The following ARHGAP24 variants were observed in gnomAD, a reference collection of about 807,000 sequenced individuals.
The protein encoded by ARHGAP24 is Rho GTPase activating protein 24, also known as rho GTPase-activating protein 24.
A neutral mutation model predicts 76.4 loss-of-function variants in ARHGAP24; 50 were observed. That is an observed-to-expected ratio of 0.65 (90% CI 0.52 to 0.83). The LOEUF (loss-of-function observed/expected upper bound fraction) is 0.83, where lower values mean the gene tolerates loss of function less well. Ranked by LOEUF, ARHGAP24 falls within the 40% of genes least tolerant of loss-of-function variation. The pLI is 0.00. For synonymous variants in ARHGAP24, 345 were observed against 323.3 expected (o/e 1.07, Z -0.72); for missense variants, 930 against 914.2 (o/e 1.02, Z -0.22).
intron 3 of ARHGAP24, among the ~76,000 whole-genome samples, chr4:85,826,942 AG>A (rs1206917641): frequency 2.6e-5 from 4 of 152,242 alleles, no homozygotes; most frequent in Non-Finnish European, 4.4e-5. Flanking sequence ...ATGTTTTGTA[AG>A]GCACTTGCAA....
chr4:85,741,156 A>G (rs1416946513), intron 3 of ARHGAP24, among the ~76,000 whole-genome samples: 1 of 152,190 alleles, frequency 6.6e-6, no homozygotes, highest in African/African-American at 2.4e-5. Flanking sequence ...AAACCAAGAC[A>G]TTCACAGGAG....
intron 3 of ARHGAP24, among the ~76,000 whole-genome samples, chr4:85,753,394 A>G (rs1002590654): frequency 3.3e-5 from 5 of 152,304 alleles, no homozygotes; most frequent in African/African-American, 7.2e-5. Flanking sequence ...TAATTTTCAG[A>G]CAGTTAGGTA....
At chr4:85,992,240 G>A (rs987253095) in intron 8 of ARHGAP24, 5 of 396,388 alleles carry the variant, frequency 1.3e-5, no homozygotes, top group Non-Finnish European at 2.2e-5. Context: ...CATTACTGCC[G>A]AGCTAGTCTG....
At chr4:85,556,623 G>T (rs1419237258) in intron 1 of ARHGAP24, among the ~76,000 whole-genome samples, 1 of 152,206 alleles carries the variant, frequency 6.6e-6, no homozygotes, top group Non-Finnish European at 1.5e-5. Context: ...TTCAGGTGGG[G>T]GCAGGTTAAT....
chr4:85,612,459 A>G (rs12108444), intron 2 of ARHGAP24, among the ~76,000 whole-genome samples: 141,194 of 151,618 alleles, frequency 0.93, 65,784 homozygotes, highest in East Asian at 0.98. Flanking sequence ...AAAAAGACCA[A>G]TGTATAGCAA....
At chr4:85,490,622 G>A (rs1405253248) in intron 1 of ARHGAP24, among the ~76,000 whole-genome samples, 1 of 152,142 alleles carries the variant, frequency 6.6e-6, no homozygotes, top group East Asian at 1.9e-4. Flanking sequence ...AAGAATTATA[G>A]TTAAACAATC....
At chr4:85,547,842 A>G (rs963810606) in intron 1 of ARHGAP24, among the ~76,000 whole-genome samples, 1 of 152,204 alleles carries the variant, frequency 6.6e-6, no homozygotes, top group Non-Finnish European at 1.5e-5. Context: ...CTTTGACACT[A>G]TTTAAATATC....
intron 2 of ARHGAP24, among the ~76,000 whole-genome samples, chr4:85,666,631 T>A (rs1265434824): frequency 6.6e-6 from 1 of 152,232 alleles, no homozygotes; most frequent in Non-Finnish European, 1.5e-5. Flanking sequence ...TGGGTTTATC[T>A]ACTTTTGGTC....
At chr4:85,918,001 G>A (rs1021232508) in intron 3 of ARHGAP24, among the ~76,000 whole-genome samples, 1 of 151,888 alleles carries the variant, frequency 6.6e-6, no homozygotes, top group African/African-American at 2.4e-5. Flanking sequence ...AGCAACATAG[G>A]TCTCATGTCC....
intron 1 of ARHGAP24, among the ~76,000 whole-genome samples, chr4:85,563,053 G>A (rs1297501882): frequency 6.6e-6 from 1 of 152,142 alleles, no homozygotes; most frequent in East Asian, 1.9e-4. Flanking sequence ...GCAGGATGGG[G>A]CAGGGAATCA....
In ARHGAP24 at chr4:85,501,371, T is replaced by C. The variant is rs963580545; in HGVS notation, c.-21+25812T>C. The stretch of plus-strand genomic sequence containing the variant: ...GTAAATGCATTCCTATTTCTCCACA[T>C]CCTCTGCAGCATCTGTTGTTTCCTG... On this transcript the variant is annotated intron_variant, in intron 1 of 9. Coordinates refer to ENST00000395184, the MANE Select transcript of ARHGAP24 (RefSeq NM_001025616.3). Among the ~76,000 whole-genome samples the C allele has an allele frequency of 2.0e-5, 3 of 152,202 alleles. No homozygotes were observed. The East Asian group carries it at 5.8e-4, about 29-fold the overall frequency.
At position 85,643,493 on chromosome 4, in the gene ARHGAP24, C is replaced by T. The variant is rs1465638001; in HGVS notation, c.180+72772C>T. 5.1e-5 allele frequency among the ~76,000 whole-genome samples: 4 copies of T among 78,472 alleles called. 1 individual carries two copies. Among genetic ancestry groups the T allele is most frequent in the Non-Finnish European group, 1.1e-4 (4 of 35,360 alleles). The allele number at this position is 78,472 out of a possible 152,430, so 51.5% of individuals were successfully genotyped here. ...CAGGATGGTCTCGATCTCCTGACCT[C>T]ATGATCCACCCGCCTCGGCCTCCCA... On this transcript the variant is annotated intron_variant, in intron 2 of 9. Transcript: ENST00000395184.
chr4:85,961,645 T>C (rs1464090846), intron 5 of ARHGAP24, among the ~76,000 whole-genome samples: 2 of 152,140 alleles, frequency 1.3e-5, no homozygotes, highest in East Asian at 1.9e-4. Context: ...CATTAATAAG[T>C]TACTTTCTAG....
intron 3 of ARHGAP24, among the ~76,000 whole-genome samples, chr4:85,855,560 G>A (rs894391664): frequency 4.6e-5 from 7 of 152,008 alleles, no homozygotes; most frequent in African/African-American, 1.7e-4. Context: ...ACAAAAATTA[G>A]CTGGGTGTAT....
At chr4:85,770,447 C>T (rs1727091873) in intron 3 of ARHGAP24, among the ~76,000 whole-genome samples, 1 of 152,134 alleles carries the variant, frequency 6.6e-6, no homozygotes, top group Non-Finnish European at 1.5e-5. Context: ...GGTTTGTTTT[C>T]TTGGGAGTCT....
intron 3 of ARHGAP24, among the ~76,000 whole-genome samples, chr4:85,757,846 G>T (rs1311603409): frequency 1.3e-5 from 2 of 152,122 alleles, no homozygotes; most frequent in African/African-American, 4.8e-5. Context: ...GTGTAAAAGT[G>T]CTCCTATTTC....
At position 85,604,204 on chromosome 4, in the gene ARHGAP24, T is replaced by C. The variant is rs1304732975; in HGVS notation, c.180+33483T>C. ...CTTTGAACTGTGGTGACTACAGTAA[T>C]GTTCCCCTCTGCATGTTGAAGTGAC... On this transcript the variant is annotated intron_variant, in intron 2 of 9. Transcript: ENST00000395184. 2.0e-5 allele frequency: 3 copies of C among 152,208 alleles called. No homozygotes were observed. In the East Asian group the frequency reaches 5.8e-4, roughly 29 times the overall value. The allele number at this position is 152,208 out of a possible 1,614,324, so 9.4% of individuals were successfully genotyped here. A position where few individuals can be genotyped will look rare whatever the true frequency, so the allele number is the denominator to read the frequency against.
At position 85,721,885 on chromosome 4, in the gene ARHGAP24, G is replaced by C; in HGVS notation, c.181G>C (p.Gly61Arg). 1.2e-6 allele frequency: 2 copies of C among 1,612,812 alleles called. No individual in the cohort carries two copies. Among genetic ancestry groups the C allele is most frequent in the Non-Finnish European group, 1.7e-6 (2 of 1,179,168 alleles). Reference protein sequence around the residue: ...FKDEDETKPLGTIFLPGNKVS... With the variant: ...FKDEDETKPLRTIFLPGNKVS... ...ATGTTTTGGGTATTTGTTTTCACAG[G>C]GTACTATTTTTCTGCCTGGAAATAA... The change falls in exon 3 of 10, where the codon GGT becomes CGT. Residue 61 changes from glycine (G) to arginine (R), a missense_variant and splice_region_variant. Physicochemically the swap from Gly to Arg is moderately radical, Grantham distance 125. Transcript: ENST00000395184.
chr4:85,524,540 T>C (rs999240614), intron 1 of ARHGAP24, among the ~76,000 whole-genome samples: 1 of 152,130 alleles, frequency 6.6e-6, no homozygotes, highest in Non-Finnish European at 1.5e-5. Flanking sequence ...CCCTGCATGA[T>C]TGATGAGGTT....
Sources: gnomAD v4.1 joint callset for allele counts (sites outside exome capture counted in the v4.1 genomes callset) on GRCh38, gnomAD v4.1.1 for gene constraint, MANE v1.5 for transcripts, NCBI Gene and HGNC (gene_info 2026-07-23, HGNC 2026-07-21) for gene names.